The following LRRC69 variants were observed in gnomAD, a reference collection of about 807,000 sequenced individuals.
LRRC69 encodes the protein leucine-rich repeat-containing protein 69.
In LRRC69, 42 loss-of-function variants were observed where a neutral mutation model predicts 37.8. The observed-to-expected ratio is 1.11, with a 90% CI of 0.87 to 1.44. LRRC69 has a LOEUF of 1.44. Ranked by LOEUF, LRRC69 falls within the 40% of genes most tolerant of loss-of-function variation. The probability of loss-of-function intolerance (pLI) is 0.00; values close to 1 mark genes in which losing one functional copy is unlikely to be tolerated. For missense variants in LRRC69, 357 were observed against 401.9 expected, an observed-to-expected ratio of 0.89 and a Z score of 0.96; for synonymous variants, 141 against 143.1, an observed-to-expected ratio of 0.99 and a Z score of 0.11.
chr8:91,198,577 A>ATAAG (rs10686791), intron 6 of LRRC69, among the ~76,000 whole-genome samples: 104,467 of 151,568 alleles, frequency 0.69, 36,487 homozygotes, highest in African/African-American at 0.76. Flanking sequence ...CTCAAAAATT[A>ATAAG]TAAGGAAAAT....
intron 5 of LRRC69, among the ~76,000 whole-genome samples, chr8:91,168,977 G>A (rs2130578072): frequency 6.6e-6 from 1 of 151,772 alleles, no homozygotes; most frequent in Admixed American, 6.6e-5. Flanking sequence ...AAAACAAACT[G>A]AATTTAAAAT....
At chr8:91,103,478 A>G (rs1362323683) in intron 1 of LRRC69, among the ~76,000 whole-genome samples, 2 of 152,024 alleles carry the variant, frequency 1.3e-5, no homozygotes, top group African/African-American at 2.4e-5. Flanking sequence ...TCTGCCTAAC[A>G]ATGTGAAACT....
Position 91,124,479 on chromosome 8 carries a change from C to G in LRRC69, c.184-14C>G, listed in dbSNP as rs552856268. The stretch of plus-strand genomic sequence containing the variant: ...GATGATATATGAGTCCATTAAACCT[C>G]TATATGTTTGCAGTTGACAACACTA... On this transcript the variant is annotated splice_polypyrimidine_tract_variant and intron_variant, in intron 1 of 7. Transcript: ENST00000448384. The G allele has an allele frequency of 1.3e-5, 19 of 1,519,812 alleles. 1 individual carries two copies. In the East Asian group the frequency reaches 4.0e-4, roughly 32 times the overall value. The allele number at this position is 1,519,812 out of a possible 1,614,324, so 94.1% of individuals were successfully genotyped here.
At chr8:91,147,937 CAT>C (rs1808652719) in intron 5 of LRRC69, among the ~76,000 whole-genome samples, 1 of 151,670 alleles carries the variant, frequency 6.6e-6, no homozygotes, top group Non-Finnish European at 1.5e-5. Context: ...TCAGCTCCCA[CAT>C]ATGAGTGAGA....
intron 5 of LRRC69, among the ~76,000 whole-genome samples, chr8:91,170,366 T>C (rs1334079573): frequency 6.6e-6 from 1 of 150,694 alleles, no homozygotes; most frequent in Non-Finnish European, 1.5e-5. Flanking sequence ...CCCATCAAGC[T>C]ACCAATGCCT....
intron 7 of LRRC69, among the ~76,000 whole-genome samples, chr8:91,206,255 T>C (rs748519796): frequency 6.6e-6 from 1 of 152,202 alleles, no homozygotes; most frequent in Admixed American, 6.5e-5. Flanking sequence ...GGAAGGCTAA[T>C]GTTAAAATTT....
intron 5 of LRRC69, among the ~76,000 whole-genome samples, chr8:91,143,849 G>A (rs1808571994): frequency 6.6e-6 from 1 of 151,892 alleles, no homozygotes; most frequent in Non-Finnish European, 1.5e-5. Flanking sequence ...GTGAGGAGAA[G>A]GTTTGAATCC....
At chr8:91,152,343 A>G (rs1323759391) in intron 5 of LRRC69, among the ~76,000 whole-genome samples, 4 of 151,752 alleles carry the variant, frequency 2.6e-5, no homozygotes, top group Admixed American at 1.3e-4. Context: ...AGTTTTCCAC[A>G]TATGGCTAGC....
chr8:91,173,408 C>T (rs1033284923), intron 5 of LRRC69, among the ~76,000 whole-genome samples: 8 of 152,098 alleles, frequency 5.3e-5, no homozygotes, highest in Non-Finnish European at 1.0e-4. Flanking sequence ...AAGAATTTAT[C>T]TTCCTGTATT....
At chr8:91,145,813 T>G (rs1808609906) in intron 5 of LRRC69, among the ~76,000 whole-genome samples, 1 of 151,836 alleles carries the variant, frequency 6.6e-6, no homozygotes, top group Non-Finnish European at 1.5e-5. Flanking sequence ...TGGGGGTGGG[T>G]GAAGAAGAGG....
At chr8:91,198,679 C>A (rs1222986051) in intron 6 of LRRC69, among the ~76,000 whole-genome samples, 1 of 151,942 alleles carries the variant, frequency 6.6e-6, no homozygotes. Flanking sequence ...CTAAAAGGAG[C>A]AATTTGAGTA....
At chr8:91,108,911 C>T (rs1296968713) in intron 1 of LRRC69, among the ~76,000 whole-genome samples, 1 of 151,864 alleles carries the variant, frequency 6.6e-6, no homozygotes, top group African/African-American at 2.4e-5. Flanking sequence ...CTTCCCGTAA[C>T]TCTTCCTCCT....
rs963244007 is a variant in LRRC69, at chr8:91,102,681, T to C, written c.20T>C (p.Ile7Thr). Residue 7 changes from isoleucine to threonine, a missense_variant, in exon 1 of 8, where the codon ATA becomes ACA. Physicochemically the swap from Ile to Thr is moderately conservative, Grantham distance 89 (BLOSUM62 -1). Transcript: ENST00000448384. ...AAGATCATGACTGAGAGATTGTTAATAAAAGCATTGAGTGGTGGTAAAAAT... is the reference window on the plus strand; with the variant it reads ...AAGATCATGACTGAGAGATTGTTAACAAAAGCATTGAGTGGTGGTAAAAAT... The C allele has an allele frequency of 8.4e-6, 13 of 1,550,722 alleles. No homozygotes were observed. The highest frequency in any genetic ancestry group is 1.4e-5 in the African/African-American group (1 of 72,998).
chr8:91,191,041 A>AAC (rs1809484739), intron 6 of LRRC69, among the ~76,000 whole-genome samples: 3 of 114,486 alleles, frequency 2.6e-5, no homozygotes, highest in Non-Finnish European at 3.7e-5. Flanking sequence ...CCTGTCTCAA[A>AAC]CCCCCCCCCC....
chr8:91,153,374 C>G (rs1808775919), intron 5 of LRRC69, among the ~76,000 whole-genome samples: 1 of 151,178 alleles, frequency 6.6e-6, no homozygotes, highest in Non-Finnish European at 1.5e-5. Context: ...TGATAGATAT[C>G]TACAAAACTT....
intron 1 of LRRC69, among the ~76,000 whole-genome samples, chr8:91,117,559 C>CTTTTTTTTTTTTTTT: frequency 8.7e-6 from 1 of 115,146 alleles, no homozygotes; most frequent in Non-Finnish European, 1.7e-5. Flanking sequence ...ACAAGATCCA[C>CTTTTTTTTTTTTTTT]TTTTTTTTTT....
chr8:91,196,154 A>T (rs1405043853), intron 6 of LRRC69, among the ~76,000 whole-genome samples: 1 of 151,978 alleles, frequency 6.6e-6, no homozygotes, highest in Non-Finnish European at 1.5e-5. Context: ...CTTTTCTTTA[A>T]GAATGTTGAA....
intron 5 of LRRC69, among the ~76,000 whole-genome samples, chr8:91,186,441 T>C (rs1809408919): frequency 1.3e-5 from 2 of 151,948 alleles, no homozygotes; most frequent in Non-Finnish European, 2.9e-5. Flanking sequence ...GTTAAAAGGG[T>C]ATGGCATGAG....
At chr8:91,155,436 G>T (rs1808816745) in intron 5 of LRRC69, among the ~76,000 whole-genome samples, 1 of 150,626 alleles carries the variant, frequency 6.6e-6, no homozygotes, top group Non-Finnish European at 1.5e-5. Flanking sequence ...AGAGTAATTA[G>T]CATATCCATT....
Sources: allele counts gnomAD v4.1 joint callset (sites outside exome capture counted in the v4.1 genomes callset), GRCh38; gene constraint gnomAD v4.1.1; transcripts MANE v1.5; gene names NCBI Gene and HGNC (gene_info 2026-07-23, HGNC 2026-07-21).